The following NCBP3 variants were observed in gnomAD, a reference collection of about 807,000 sequenced individuals.
NCBP3 encodes nuclear cap-binding protein subunit 3.
A neutral mutation model predicts 75.7 loss-of-function variants in NCBP3; 20 were observed. The observed-to-expected ratio is 0.26, with a 90% CI of 0.19 to 0.38. NCBP3 has a LOEUF of 0.38. NCBP3 is among the 10% of genes least tolerant of loss of function. NCBP3 has a pLI of 1.00. For synonymous variants in NCBP3, 293 were observed against 290.5 expected, an observed-to-expected ratio of 1.01 and a Z score of -0.09; for missense variants, 678 against 796.9, an observed-to-expected ratio of 0.85 and a Z score of 1.80.
chr17:3,819,732 G>A (rs939274346), intron 9 of NCBP3, among the ~76,000 whole-genome samples: 8 of 151,968 alleles, frequency 5.3e-5, no homozygotes, highest in African/African-American at 7.3e-5. Context: ...TACAATAAAC[G>A]AAAGAAGTAG....
chr17:3,809,558 T>C lies in NCBP3; in HGVS notation c.*3486A>G, dbSNP rs1212665144. 6.6e-6 allele frequency: 1 copy of C among 151,848 alleles called. No individual in the cohort carries two copies. Among genetic ancestry groups the C allele is most frequent in the African/African-American group, 2.4e-5 (1 of 41,322 alleles). The allele number at this position is 151,848 out of a possible 1,614,324, so 9.4% of individuals were successfully genotyped here. A position where few individuals can be genotyped will look rare whatever the true frequency, so the allele number is the denominator to read the frequency against. On this transcript the variant is annotated 3_prime_UTR_variant, in exon 13 of 13. Transcript: ENST00000389005. ...CTGTCTCTACTAAAAATACAAAAAA[T>C]TAGCCAGCGTGGTGGCACATGCCTG...
rs1375942058 is a variant in NCBP3, at chr17:3,809,339, C to A, written c.*3705G>T. 2.0e-5 allele frequency: 3 copies of A among 152,088 alleles called. No individual in the cohort carries two copies. Among genetic ancestry groups the A allele is most frequent in the African/African-American group, 7.2e-5 (3 of 41,388 alleles). The allele number at this position is 152,088 out of a possible 1,614,324, so 9.4% of individuals were successfully genotyped here. ...CAGCAATTCCACTCCTAGGTATATACCCAAGAGTCATGAAAATACCTGTCC... is the reference window on the plus strand; with the variant it reads ...CAGCAATTCCACTCCTAGGTATATAACCAAGAGTCATGAAAATACCTGTCC... On this transcript the variant is annotated 3_prime_UTR_variant, in exon 13 of 13. Coordinates refer to ENST00000389005, the MANE Select transcript of NCBP3 (RefSeq NM_001114118.3).
In NCBP3 at chr17:3,812,808, T is replaced by TG; in HGVS notation, c.*235dup. ...CCTTTTTCTCAAAGGGTAAAGCCTG[T>TG]GGGGTGGTGGGAAAGGAATCGAGGG... On this transcript the variant is annotated 3_prime_UTR_variant, in exon 13 of 13. Transcript: ENST00000389005. 1 of 1,366,422 alleles carries TG rather than the reference T, an allele frequency of 7.3e-7. No individual in the cohort carries two copies. The highest frequency in any genetic ancestry group is 3.0e-5 in the East Asian group (1 of 33,880). 84.6% of individuals were successfully genotyped at this position (1,366,422 alleles called of 1,614,324 possible).
Position 3,812,477 on chromosome 17 carries a change from C to T in NCBP3, c.*567G>A, listed in dbSNP as rs977968461. On this transcript the variant is annotated 3_prime_UTR_variant, in exon 13 of 13. Transcript: ENST00000389005. Reference sequence around the variant, plus strand: ...GGGAAGAACGGAAGCACAGTCAATGCTGCAGCTCTTATCTACCTGGGCGGC... The same window carrying T: ...GGGAAGAACGGAAGCACAGTCAATGTTGCAGCTCTTATCTACCTGGGCGGC... 4.1e-6 allele frequency: 4 copies of T among 985,300 alleles called. No homozygotes were observed. The highest frequency in any genetic ancestry group is 1.1e-4 in the East Asian group (1 of 8,858). The allele number at this position is 985,300 out of a possible 1,614,324, so 61.0% of individuals were successfully genotyped here. A position where few individuals can be genotyped will look rare whatever the true frequency, so the allele number is the denominator to read the frequency against.
rs2143631587 is a variant in NCBP3, at chr17:3,812,807, G to A, written c.*237C>T. ...GCCTTTTTCTCAAAGGGTAAAGCCT[G>A]TGGGGTGGTGGGAAAGGAATCGAGG... is the stretch of plus-strand genomic sequence containing the variant. On this transcript the variant is annotated 3_prime_UTR_variant, in exon 13 of 13. Transcript: ENST00000389005. The A allele has an allele frequency of 7.3e-7, 1 of 1,368,540 alleles. No homozygotes were observed. The allele number at this position is 1,368,540 out of a possible 1,614,324, so 84.8% of individuals were successfully genotyped here.
At position 3,824,986 on chromosome 17, in the gene NCBP3, T is replaced by C. The variant is rs1007080938; in HGVS notation, c.752A>G (p.Lys251Arg). ...LLRNDLRPAN[K>R]LAKGNRLFMR... is the part of the protein sequence containing the mutation. ...GAATAACCTATTTCCTTTAGCAAGT[T>C]TGTTAGCTGGACGAAGATCGTTTCT... Residue 251 changes from lysine (K) to arginine (R), a missense_variant, in exon 7 of 13, where the codon AAA (lysine) becomes AGA (arginine). Transcript: ENST00000389005. 7 of 1,546,384 alleles carry C rather than the reference T, an allele frequency of 4.5e-6. No homozygotes were observed. Among genetic ancestry groups the C allele is most frequent in the Non-Finnish European group, 6.1e-6 (7 of 1,144,538 alleles).
intron 3 of NCBP3, among the ~76,000 whole-genome samples, chr17:3,832,358 G>T (rs2053892446): frequency 1.7e-5 from 2 of 120,628 alleles, no homozygotes; most frequent in African/African-American, 5.0e-5. Flanking sequence ...TAATGGGCAG[G>T]CGCGGTGGCT....
At chr17:3,836,935 G>A (rs2053982779) in intron 3 of NCBP3, among the ~76,000 whole-genome samples, 1 of 151,856 alleles carries the variant, frequency 6.6e-6, no homozygotes, top group Non-Finnish European at 1.5e-5. Flanking sequence ...TGGATCACAA[G>A]GTCAGGAGAT....
At chr17:3,829,565 T>C (rs1296931036) in intron 3 of NCBP3, among the ~76,000 whole-genome samples, 197 bp from the exon 4 acceptor site, 2 of 152,184 alleles carry the variant, frequency 1.3e-5, no homozygotes, top group African/African-American at 4.8e-5. Context: ...AACGACAGCA[T>C]TAATTCAGAA....
chr17:3,845,930 C>G (rs921395005), intron 1 of NCBP3, 111 bp downstream of exon 1: 219 of 1,272,392 alleles, frequency 1.7e-4, no homozygotes, highest in Admixed American at 2.7e-4. Context: ...CCTCCTCTCC[C>G]GCTCCCTTGA....
intron 7 of NCBP3, chr17:3,824,136 A>G (rs1270146363): frequency 2.0e-5 from 3 of 152,186 alleles, no homozygotes; most frequent in Non-Finnish European, 4.4e-5. Flanking sequence ...ACAACTGACA[A>G]AATTTGAAAA....
Position 3,813,104 on chromosome 17 carries a change from T to TA in NCBP3, c.1802dup (p.Leu601PhefsTer7). On this transcript the variant is annotated frameshift_variant, in exon 13 of 13. Transcript: ENST00000389005. LOFTEE classifies it high-confidence loss of function. ...GACTAACTTCAATCTGGAGAGATGG[T>TA]AAGTTATCTAACCGGCTCTTCTTTT... 2 of 1,614,232 alleles carry TA rather than the reference T, an allele frequency of 1.2e-6. No homozygotes were observed. Among genetic ancestry groups the TA allele is most frequent in the Non-Finnish European group, 1.7e-6 (2 of 1,180,040 alleles).
intron 3 of NCBP3, among the ~76,000 whole-genome samples, chr17:3,833,925 T>G (rs1223033303): frequency 2.0e-5 from 3 of 152,186 alleles, no homozygotes; most frequent in Admixed American, 2.0e-4. Context: ...CTCTCCTTGC[T>G]TTCTGCTGCA....
Position 3,821,266 on chromosome 17 carries a change from T to C in NCBP3, c.983A>G (p.Tyr328Cys), listed in dbSNP as rs2053658069. 1.2e-6 allele frequency: 2 copies of C among 1,613,384 alleles called. No homozygotes were observed. The highest frequency in any genetic ancestry group is 1.7e-6 in the Non-Finnish European group (2 of 1,179,332). The part of the protein sequence containing the change: ...LIGDDVGLTS[Y>C]KHRHSGLVNV... ...GCAACTACCAGAATGTCGATGTTTATACGACGTCAAGCCAACGTCATCCCC... is the reference window on the plus strand; with the variant it reads ...GCAACTACCAGAATGTCGATGTTTACACGACGTCAAGCCAACGTCATCCCC... The change falls in exon 9 of 13, where the codon TAT becomes TGT. Residue 328 changes from tyrosine to cysteine, a missense_variant. Tyr to Cys is a radical substitution (Grantham distance 194). This residue lies in a region of NCBP3 where 365 missense variants were observed against 392.7 expected (regional missense o/e 0.93). Coordinates refer to ENST00000389005, the MANE Select transcript of NCBP3 (RefSeq NM_001114118.3).
Position 3,812,847 on chromosome 17 carries a change from C to T in NCBP3, c.*197G>A. On this transcript the variant is annotated 3_prime_UTR_variant, in exon 13 of 13. Coordinates refer to ENST00000389005, the MANE Select transcript of NCBP3 (RefSeq NM_001114118.3). The stretch of plus-strand genomic sequence containing the variant: ...AGGAATCGAGGGCCCAGAACTACAA[C>T]TCTGCAGCGAAAGATAGAGATGCCC... 7.1e-7 allele frequency: 1 copy of T among 1,414,838 alleles called. No homozygotes were observed. 87.6% of individuals were successfully genotyped at this position (1,414,838 alleles called of 1,614,324 possible).
rs2053893872 is a variant in NCBP3 at position 3,832,384 on chromosome 17, A to T, written c.356-3016T>A. ...CGCGGTGGCTCACGCCTGTAATCCCAGCACTTTGGGAGGCCGGGGCGGGCA... is the reference window on the plus strand; with the variant it reads ...CGCGGTGGCTCACGCCTGTAATCCCTGCACTTTGGGAGGCCGGGGCGGGCA... On this transcript the variant is annotated intron_variant, in intron 3 of 12. Transcript: ENST00000389005. Among the ~76,000 whole-genome samples, 2 of 120,512 alleles carry T rather than the reference A, an allele frequency of 1.7e-5. 1 individual carries two copies. The highest frequency in any genetic ancestry group is 4.0e-5 in the Non-Finnish European group (2 of 50,244). 79.1% of individuals were successfully genotyped at this position (120,512 alleles called of 152,430 possible).
In NCBP3 at chr17:3,812,420, C is replaced by G. The variant is rs541331086; in HGVS notation, c.*624G>C. 7 of 725,060 alleles carry G rather than the reference C, an allele frequency of 9.7e-6. No homozygotes were observed. The highest frequency in any genetic ancestry group is 1.2e-5 in the Non-Finnish European group (7 of 591,412). 44.9% of individuals were successfully genotyped at this position (725,060 alleles called of 1,614,324 possible). ...TGATCTTCACATCAAGCTGACAGCA[C>G]GTAAGAGGCCCATGCCATGAGCAAT... On this transcript the variant is annotated 3_prime_UTR_variant, in exon 13 of 13. Coordinates refer to ENST00000389005, the MANE Select transcript of NCBP3 (RefSeq NM_001114118.3).
chr17:3,845,508 G>A (rs1033578604), intron 1 of NCBP3, among the ~76,000 whole-genome samples: 18 of 152,112 alleles, frequency 1.2e-4, no homozygotes, highest in African/African-American at 3.1e-4. Context: ...GAGCTGCGGG[G>A]GGGGCAAGAT....
At position 3,826,076 on chromosome 17, in the gene NCBP3, T is replaced by C. The variant is rs1197028587; in HGVS notation, c.610+11A>G. On this transcript the variant is annotated intron_variant, in intron 5 of 12. Transcript: ENST00000389005. ...ACTTTCAGACCCCAGTTCCCTCCTT[T>C]GTGTTGTTACCTTTTTTCCTTTTCT... 1.3e-5 allele frequency: 20 copies of C among 1,550,132 alleles called. No homozygotes were observed. The highest frequency in any genetic ancestry group is 1.7e-4 in the Middle Eastern group (1 of 5,996).
Sources: gnomAD v4.1 joint callset for allele counts (sites outside exome capture counted in the v4.1 genomes callset) on GRCh38, gnomAD v4.1.1 for gene constraint, gnomAD v4.1.1 regional missense constraint, MANE v1.5 for transcripts, NCBI Gene and HGNC (gene_info 2026-07-23, HGNC 2026-07-21) for gene names.